PIK3CB: variants seen among roughly 807,000 people sequenced by gnomAD.
PIK3CB encodes the protein phosphatidylinositol 4,5-bisphosphate 3-kinase catalytic subunit beta isoform.
Under a neutral mutation model 136.8 loss-of-function variants are expected in PIK3CB, and 39 were observed. That is an observed-to-expected ratio of 0.29 (90% CI 0.22 to 0.37). The LOEUF is 0.37. Ranked by LOEUF, PIK3CB falls within the 10% of genes least tolerant of loss-of-function variation. PIK3CB has a pLI of 1.00. For missense variants in PIK3CB, 868 were observed against 1,275.4 expected, an observed-to-expected ratio of 0.68 and a Z score of 4.87; for synonymous variants, 428 against 436.6, an observed-to-expected ratio of 0.98 and a Z score of 0.25.
At chr3:138,697,020 T>G (rs2044151125) in intron 13 of PIK3CB, among the ~76,000 whole-genome samples, 1 of 152,230 alleles carries the variant, frequency 6.6e-6, no homozygotes, top group South Asian at 2.1e-4. Flanking sequence ...TATTTATAAT[T>G]ATTAAAAATT....
chr3:138,812,027 G>A (rs1933087328), intron 1 of PIK3CB, among the ~76,000 whole-genome samples: 1 of 152,068 alleles, frequency 6.6e-6, no homozygotes, highest in Non-Finnish European at 1.5e-5. Context: ...AGAGTTTGAG[G>A]CTGCAGTGAG....
At chr3:138,748,341 T>C (rs1319223166) in intron 4 of PIK3CB, among the ~76,000 whole-genome samples, 1 of 152,070 alleles carries the variant, frequency 6.6e-6, no homozygotes, top group African/African-American at 2.4e-5. Flanking sequence ...CTGCTGCCAA[T>C]AATTTCCCAT....
At chr3:138,719,995 T>C (rs1201171331) in intron 8 of PIK3CB, among the ~76,000 whole-genome samples, 5 of 151,826 alleles carry the variant, frequency 3.3e-5, no homozygotes, top group South Asian at 2.1e-4. Context: ...AAAAAAAAGC[T>C]TGGGAATCAA....
At chr3:138,746,585 T>G (rs913268756) in intron 4 of PIK3CB, among the ~76,000 whole-genome samples, 5 of 151,888 alleles carry the variant, frequency 3.3e-5, no homozygotes, top group African/African-American at 1.2e-4. Context: ...GGCATGAACC[T>G]GGGAGGTGGA....
chr3:138,738,776 T>C (rs768875390), intron 5 of PIK3CB, among the ~76,000 whole-genome samples: 8 of 152,188 alleles, frequency 5.3e-5, no homozygotes, highest in Non-Finnish European at 1.2e-4. Context: ...TATAAGAAGC[T>C]ATCTCCCAAA....
chr3:138,688,500 CAAAA>C (rs397991199), intron 16 of PIK3CB, among the ~76,000 whole-genome samples: 1 of 84,050 alleles, frequency 1.2e-5, no homozygotes, highest in Non-Finnish European at 2.2e-5. Context: ...GACTCTGTCA[CAAAA>C]AAAAAAAAAA....
chr3:138,666,037 T>C (rs554859012), intron 19 of PIK3CB, among the ~76,000 whole-genome samples: 1 of 152,228 alleles, frequency 6.6e-6, no homozygotes, highest in East Asian at 1.9e-4. Context: ...AAGGTAAGAA[T>C]TGATATTCTA....
At chr3:138,803,686 G>A (rs1384446552) in intron 1 of PIK3CB, among the ~76,000 whole-genome samples, 4 of 152,198 alleles carry the variant, frequency 2.6e-5, no homozygotes, top group African/African-American at 9.7e-5. Context: ...AGGCTCAGGT[G>A]TGGAGGGAAA....
At chr3:138,703,090 G>A (rs529014999) in intron 12 of PIK3CB, among the ~76,000 whole-genome samples, 1 of 152,292 alleles carries the variant, frequency 6.6e-6, no homozygotes, top group East Asian at 1.9e-4. Context: ...GGAAGAATTT[G>A]GCTATTATGG....
At chr3:138,680,930 C>T (rs1211019960) in intron 19 of PIK3CB, among the ~76,000 whole-genome samples, 1 of 151,520 alleles carries the variant, frequency 6.6e-6, no homozygotes, top group South Asian at 2.1e-4. Context: ...TCAGGCAATC[C>T]ACCTGCCTCG....
chr3:138,733,564 C>T, intron 7 of PIK3CB, 126 bp from the exon 8 acceptor site: 1 of 531,120 alleles, frequency 1.9e-6, no homozygotes, highest in Non-Finnish European at 3.3e-6. Flanking sequence ...TCTAAACTAA[C>T]AACTGAAAGT....
chr3:138,810,169 T>C (rs1473768006), intron 1 of PIK3CB, among the ~76,000 whole-genome samples: 1 of 152,096 alleles, frequency 6.6e-6, no homozygotes, highest in African/African-American at 2.4e-5. Context: ...AATAAATATC[T>C]ACAAGTCTAC....
chr3:138,788,983 A>AAC (rs1553740790), intron 2 of PIK3CB, among the ~76,000 whole-genome samples: 33 of 149,804 alleles, frequency 2.2e-4, no homozygotes, highest in African/African-American at 7.7e-4. Flanking sequence ...AAAAAAAAAA[A>AAC]AAAAAAAAAC....
chr3:138,796,211 C>CG (rs2046106329), intron 2 of PIK3CB, among the ~76,000 whole-genome samples: 1 of 151,778 alleles, frequency 6.6e-6, no homozygotes, highest in Non-Finnish European at 1.5e-5. Context: ...GGTGAAACCC[C>CG]GTCTCTACTA....
intron 21 of PIK3CB, among the ~76,000 whole-genome samples, chr3:138,663,327 T>A (rs1416167800): frequency 3.9e-5 from 6 of 152,176 alleles, no homozygotes; most frequent in Non-Finnish European, 7.3e-5. Flanking sequence ...TACAAATGTA[T>A]CCCAAATACT....
At chr3:138,680,293 G>A (rs2043743661) in intron 19 of PIK3CB, among the ~76,000 whole-genome samples, 1 of 151,906 alleles carries the variant, frequency 6.6e-6, no homozygotes, top group South Asian at 2.1e-4. Flanking sequence ...AGGAGGCGGA[G>A]GCTGCAGTGA....
At chr3:138,819,347 CAAA>C (rs201136042) in intron 1 of PIK3CB, among the ~76,000 whole-genome samples, 1 of 106,140 alleles carries the variant, frequency 9.4e-6, no homozygotes, top group Non-Finnish European at 2.0e-5. Flanking sequence ...ACTCCGTCTC[CAAA>C]AAAAAAAAAA....
chr3:138,726,019 T>C (rs986737397), intron 8 of PIK3CB, among the ~76,000 whole-genome samples: 6 of 152,230 alleles, frequency 3.9e-5, no homozygotes, highest in African/African-American at 1.4e-4. Context: ...GGTTCAACAG[T>C]TGGAAGTTTC....
At chr3:138,833,027 T>C (rs757615313) in intron 1 of PIK3CB, among the ~76,000 whole-genome samples, 1 of 149,840 alleles carries the variant, frequency 6.7e-6, no homozygotes, top group African/African-American at 2.4e-5. Context: ...ACAACAATAA[T>C]TTTTTTTTAA....
Sources: gnomAD v4.1 joint callset for allele counts (sites outside exome capture counted in the v4.1 genomes callset) on GRCh38, gnomAD v4.1.1 for gene constraint, MANE v1.5 for transcripts, NCBI Gene and HGNC (gene_info 2026-07-23, HGNC 2026-07-21) for gene names.